ABCA8: variants seen among roughly 807,000 people sequenced by gnomAD.
The protein encoded by ABCA8 is ATP binding cassette subfamily A member 8, also known as ABC-type organic anion transporter ABCA8.
In ABCA8, 177 loss-of-function variants were observed where a neutral mutation model predicts 192.3. The observed-to-expected ratio is 0.92, with a 90% CI of 0.81 to 1.04. The LOEUF is 1.04. ABCA8 is among the 50% of genes least tolerant of loss of function. The pLI is 0.00. For synonymous variants in ABCA8, 642 were observed against 690.2 expected (o/e 0.93, Z 1.09); for missense variants, 1,915 against 1,904.8 (o/e 1.01, Z -0.10).
chr17:68,881,938 C>A lies in ABCA8; in HGVS notation c.3871G>T (p.Gly1291Trp). The change falls in exon 31 of 40, where the codon GGG (glycine) becomes TGG (tryptophan). Residue 1291 changes from glycine to tryptophan, a missense_variant. Transcript: ENST00000586539. ...TTGGAAAAACAGCCTTTCCTCTTCC[C>A]TGCATACTCCTTGCGTAGACAGCTG... ...IASCLRKEYA[G>W]KRKGCFSKRK... 6.2e-7 allele frequency: 1 copy of A among 1,614,156 alleles called. No individual in the cohort carries two copies. Among genetic ancestry groups the A allele is most frequent in the Non-Finnish European group, 8.5e-7 (1 of 1,179,980 alleles).
At chr17:68,885,401 A>T in intron 26 of ABCA8, 86 bp from the exon 27 acceptor site, 1 of 1,329,090 alleles carries the variant, frequency 7.5e-7, no homozygotes, top group South Asian at 1.5e-5. Flanking sequence ...GATATTACTA[A>T]TTTCAACTCC....
rs2066330607 is a variant in ABCA8, at chr17:68,881,337, TG to T, written c.3947-127del. 8.8e-6 allele frequency: 6 copies of T among 683,236 alleles called. No individual in the cohort carries two copies. The South Asian group carries it at 1.1e-4, about 13-fold the overall frequency. 42.3% of individuals were successfully genotyped at this position (683,236 alleles called of 1,614,324 possible). A position where few individuals can be genotyped will look rare whatever the true frequency, so the allele number is the denominator to read the frequency against. ...TGTCATTTAATTGTCACAACCACCC[TG>T]AGAAGTTGTTATTTTAGCCCCTTCT... On this transcript the variant is annotated intron_variant, in intron 31 of 39. Coordinates refer to ENST00000586539, the MANE Select transcript of ABCA8 (RefSeq NM_001288985.2).
At chr17:68,910,042 A>T (rs2067193281) in intron 17 of ABCA8, among the ~76,000 whole-genome samples, 1 of 152,218 alleles carries the variant, frequency 6.6e-6, no homozygotes, top group South Asian at 2.1e-4. Context: ...TCTATTTTAA[A>T]CAATAGAAGA....
chr17:68,891,517 A>G lies in ABCA8; in HGVS notation c.3116T>C (p.Ile1039Thr), dbSNP rs748089606. The G allele has an allele frequency of 5.7e-5, 92 of 1,612,998 alleles. No individual in the cohort carries two copies. In the South Asian group the frequency reaches 1.0e-3, roughly 18 times the overall value. ...LVLTSSCPPY[I>T]AMSSIDDYKN... ...ATAATCATCGATGCTGCTCATGGCA[A>G]TGTAAGGTGGGCAACTCGATGTTAA... The change falls in exon 24 of 40, where the codon ATT becomes ACT. Residue 1039 changes from isoleucine to threonine, a missense_variant. Physicochemically the swap from Ile to Thr is moderately conservative, Grantham distance 89 (BLOSUM62 -1). Transcript: ENST00000586539.
At position 68,921,491 on chromosome 17, in the gene ABCA8, A is replaced by C; in HGVS notation, c.1503T>G (p.Asp501Glu). The C allele has an allele frequency of 1.3e-6, 2 of 1,585,972 alleles. No individual in the cohort carries two copies. Among genetic ancestry groups the C allele is most frequent in the Non-Finnish European group, 1.7e-6 (2 of 1,161,260 alleles). The part of the protein sequence containing the change: ...GKPDKIEALK[D>E]LVFDIYEGQI... ...GGCCTTCGTAAATGTCAAATACCAGATCTAGGAAGAAAAAAAGAAAGGAAA... is the reference window on the plus strand; with the variant it reads ...GGCCTTCGTAAATGTCAAATACCAGCTCTAGGAAGAAAAAAAGAAAGGAAA... Residue 501 changes from aspartate (D) to glutamate (E), a missense_variant and splice_region_variant, in exon 13 of 40, where the codon GAT becomes GAG. Physicochemically the swap from Asp to Glu is conservative, Grantham distance 45. Transcript: ENST00000586539.
rs60957466 is a variant in ABCA8, at chr17:68,911,734, T to TACACACACACACACACAC, written c.2139-3873_2139-3856dup. Among the ~76,000 whole-genome samples the TACACACACACACACACAC allele has an allele frequency of 4.2e-5, 6 of 143,980 alleles. No homozygotes were observed. Among genetic ancestry groups the TACACACACACACACACAC allele is most frequent in the Non-Finnish European group, 7.7e-5 (5 of 65,280 alleles). The allele number at this position is 143,980 out of a possible 152,430, so 94.5% of individuals were successfully genotyped here. The stretch of plus-strand genomic sequence containing the variant: ...CCTCTGCCAGCTCCAGACAGCTCAA[T>TACACACACACACACACAC]ACACACACACACACACACACACACA... On this transcript the variant is annotated intron_variant, in intron 17 of 39. Coordinates refer to ENST00000586539, the MANE Select transcript of ABCA8 (RefSeq NM_001288985.2). The surrounding 1 kb of genome is among the most constrained non-coding windows in gnomAD (Gnocchi z 5.7).
intron 1 of ABCA8, among the ~76,000 whole-genome samples, chr17:68,950,480 C>A (rs114134132): frequency 0.028 from 4,254 of 152,234 alleles, 212 homozygotes; most frequent in African/African-American, 0.097. Flanking sequence ...ATATCTATAA[C>A]TAAAAATACT....
intron 7 of ABCA8, among the ~76,000 whole-genome samples, chr17:68,930,275 T>A (rs1222347634): frequency 6.6e-6 from 1 of 152,180 alleles, no homozygotes; most frequent in Non-Finnish European, 1.5e-5. Flanking sequence ...AAATTCTTCC[T>A]TATGTGTAAT....
intron 2 of ABCA8, among the ~76,000 whole-genome samples, chr17:68,943,812 A>G (rs1176188571): frequency 1.3e-5 from 2 of 152,162 alleles, no homozygotes; most frequent in African/African-American, 4.8e-5. Flanking sequence ...TACAATTACC[A>G]GGACCCCAGC....
chr17:68,878,092 G>A (rs1238649087), intron 32 of ABCA8: 1 of 156,634 alleles, frequency 6.4e-6, no homozygotes, highest in Non-Finnish European at 1.4e-5. Context: ...GGAATAACTA[G>A]TGCTTCGTTA....
intron 28 of ABCA8, 71 bp downstream of exon 28, chr17:68,884,260 A>G: frequency 3.8e-6 from 5 of 1,321,750 alleles, no homozygotes; most frequent in Non-Finnish European, 5.0e-6. Context: ...GAAGTTTCAC[A>G]GTGTGTACAG....
At position 68,867,967 on chromosome 17, in the gene ABCA8, C is replaced by T; in HGVS notation, c.*118G>A. On this transcript the variant is annotated 3_prime_UTR_variant, in exon 40 of 40. Transcript: ENST00000586539. ...GCACCCGAACCTCCTCCTCCCACCACACGGAGAACCATTTCTGTACTTATA... is the reference window on the plus strand; with the variant it reads ...GCACCCGAACCTCCTCCTCCCACCATACGGAGAACCATTTCTGTACTTATA... 1 of 826,784 alleles carries T rather than the reference C, an allele frequency of 1.2e-6. No homozygotes were observed. The highest frequency in any genetic ancestry group is 1.9e-5 in the South Asian group (1 of 51,578). 51.2% of individuals were successfully genotyped at this position (826,784 alleles called of 1,614,324 possible). A position where few individuals can be genotyped will look rare whatever the true frequency, so the allele number is the denominator to read the frequency against.
At chr17:68,954,880 A>G (rs1200976308) in intron 1 of ABCA8, among the ~76,000 whole-genome samples, 1 of 152,188 alleles carries the variant, frequency 6.6e-6, no homozygotes, top group African/African-American at 2.4e-5. Context: ...CAGTCTTCCA[A>G]CCCAATTCTT....
In ABCA8 at chr17:68,932,438, C is replaced by T; in HGVS notation, c.647G>A (p.Gly216Asp). Residue 216 changes from glycine (G) to aspartate (D), a missense_variant, in exon 7 of 40, where the codon GGT (glycine) becomes GAT (aspartate). By Grantham distance (94) the Gly-to-Asp change is moderately conservative. Coordinates refer to ENST00000586539, the MANE Select transcript of ABCA8 (RefSeq NM_001288985.2). The part of the protein sequence containing the change: ...GKNMKMHSFI[G>D]QSGVITDLYL... Reference sequence around the variant, plus strand: ...CAAATCAGTTATAACTCCTGATTGACCAATGAAGGAATGCATCTTCATATT... The same window carrying T: ...CAAATCAGTTATAACTCCTGATTGATCAATGAAGGAATGCATCTTCATATT... The T allele has an allele frequency of 6.2e-7, 1 of 1,613,998 alleles. No homozygotes were observed. Among genetic ancestry groups the T allele is most frequent in the Non-Finnish European group, 8.5e-7 (1 of 1,179,850 alleles).
chr17:68,889,177 CAG>C (rs2066566580), intron 24 of ABCA8, among the ~76,000 whole-genome samples: 1 of 152,022 alleles, frequency 6.6e-6, no homozygotes, highest in African/African-American at 2.4e-5. Flanking sequence ...TTGTGGGCAA[CAG>C]AGAGAGAGAA....
chr17:68,927,857 T>G (rs1038997688), intron 10 of ABCA8, 59 bp downstream of exon 10: 1 of 1,282,018 alleles, frequency 7.8e-7, no homozygotes, highest in African/African-American at 1.5e-5. Flanking sequence ...ATTAGGAGAT[T>G]TGTTTTCAGA....
At chr17:68,872,678 A>T (rs942397848) in intron 37 of ABCA8, among the ~76,000 whole-genome samples, 4 of 152,140 alleles carry the variant, frequency 2.6e-5, no homozygotes, top group Admixed American at 6.5e-5. Flanking sequence ...TGCCCCGAAG[A>T]CCTTCCAGTG....
chr17:68,876,347 G>GT (rs1435079849), intron 35 of ABCA8, 113 bp downstream of exon 35: 11 of 1,231,102 alleles, frequency 8.9e-6, no homozygotes, highest in South Asian at 1.4e-5. Context: ...GACATTGATA[G>GT]TTTTTTTGTT....
At chr17:68,951,060 G>A (rs1333144088) in intron 1 of ABCA8, among the ~76,000 whole-genome samples, 3 of 152,102 alleles carry the variant, frequency 2.0e-5, no homozygotes, top group Admixed American at 6.5e-5. Flanking sequence ...TCATCCAGTT[G>A]AGAGTGCTAG....
Sources: allele counts gnomAD v4.1 joint callset (sites outside exome capture counted in the v4.1 genomes callset), GRCh38; gene constraint gnomAD v4.1.1; non-coding constraint Gnocchi (gnomAD v3.1); transcripts MANE v1.5; gene names NCBI Gene and HGNC (gene_info 2026-07-23, HGNC 2026-07-21).